Variants in ATG2B observed in about 807,000 individuals in gnomAD.
ATG2B encodes the protein autophagy-related protein 2 homolog B.
A neutral mutation model predicts 241.3 loss-of-function variants in ATG2B; 121 were observed. The observed-to-expected ratio is 0.50, with a 90% CI of 0.43 to 0.58. The LOEUF (loss-of-function observed/expected upper bound fraction) is 0.58, where lower values mean the gene tolerates loss of function less well. Among genes scored for constraint, ATG2B ranks in the 20% least tolerant of loss-of-function variants. The pLI is 0.00. For synonymous variants in ATG2B, 858 were observed against 876.6 expected (o/e 0.98, Z 0.37); for missense variants, 2,306 against 2,491.6 (o/e 0.93, Z 1.59).
intron 25 of ATG2B, 116 bp from the exon 26 acceptor site, chr14:96,312,275 T>C: frequency 1.4e-6 from 1 of 719,714 alleles, no homozygotes; most frequent in Non-Finnish European, 2.3e-6. Flanking sequence ...GTTGAAATCA[T>C]AAGCAGTTTC....
rs1356790517 is a variant in ATG2B at position 96,317,811 on chromosome 14, G to A, written c.2924C>T (p.Pro975Leu). The change falls in exon 19 of 42, where the codon CCA (proline) becomes CTA (leucine). Residue 975 changes from proline (P) to leucine (L), a missense_variant. Pro to Leu is a moderately conservative substitution (Grantham distance 98). Transcript: ENST00000359933. ...LLLWEPTAPS[P>L]VETFENISYG... ...GGAAATATTCTCGAATGTCTCCACT[G>A]GTGAAGGAGCTGTTGGTTCCCACAG... 1.2e-6 allele frequency: 2 copies of A among 1,612,342 alleles called. No homozygotes were observed. The highest frequency in any genetic ancestry group is 2.2e-5 in the East Asian group (1 of 44,814).
intron 4 of ATG2B, among the ~76,000 whole-genome samples, chr14:96,344,361 C>T (rs1888118492): frequency 6.6e-6 from 1 of 152,106 alleles, no homozygotes; most frequent in Admixed American, 6.6e-5. Context: ...ACAGGAAAGC[C>T]TTAAATTCAG....
chr14:96,322,525 T>G lies in ATG2B; in HGVS notation c.2736+15A>C. On this transcript the variant is annotated intron_variant, in intron 17 of 41. Transcript: ENST00000359933. ...ATAATAGTATTATTCCTTTGTAGCT[T>G]GCTCACACTTTTACCTGTTCATTTT... The G allele has an allele frequency of 1.3e-6, 2 of 1,599,764 alleles. No homozygotes were observed. Among genetic ancestry groups the G allele is most frequent in the Non-Finnish European group, 1.7e-6 (2 of 1,174,908 alleles).
At position 96,344,619 on chromosome 14, in the gene ATG2B, T is replaced by C. The variant is rs769210830; in HGVS notation, c.581+35A>G. ...TGAAAATGTAATATCAGAGTTACAATAGGGTCATTTATTTTCAGACATAAG... is the reference window on the plus strand; with the variant it reads ...TGAAAATGTAATATCAGAGTTACAACAGGGTCATTTATTTTCAGACATAAG... On this transcript the variant is annotated intron_variant, in intron 4 of 41. Coordinates refer to ENST00000359933, the MANE Select transcript of ATG2B (RefSeq NM_018036.7). 4.1e-6 allele frequency: 5 copies of C among 1,219,572 alleles called. No homozygotes were observed. In the South Asian group the frequency reaches 5.3e-5, roughly 13 times the overall value. 75.5% of individuals were successfully genotyped at this position (1,219,572 alleles called of 1,614,324 possible). A position where few individuals can be genotyped will look rare whatever the true frequency, so the allele number is the denominator to read the frequency against.
intron 36 of ATG2B, among the ~76,000 whole-genome samples, chr14:96,294,589 G>A (rs970502214): frequency 2.6e-5 from 4 of 152,128 alleles, no homozygotes; most frequent in African/African-American, 4.8e-5. Context: ...GGAAAAGACA[G>A]ACAGGCATAG....
At chr14:96,319,546 T>C (rs1486008199) in intron 18 of ATG2B, among the ~76,000 whole-genome samples, 1 of 151,882 alleles carries the variant, frequency 6.6e-6, no homozygotes, top group Non-Finnish European at 1.5e-5. Context: ...ATTTTAAATA[T>C]ATAAAGGCAG....
intron 10 of ATG2B, 119 bp from the exon 11 acceptor site, chr14:96,331,756 G>T: frequency 1.3e-6 from 1 of 794,708 alleles, no homozygotes. Flanking sequence ...CAGTTTGAAT[G>T]ATATTAAACA....
In ATG2B at chr14:96,281,819, A is replaced by T. The variant is rs957049423; in HGVS notation, c.*3936T>A. The T allele has an allele frequency of 1.3e-5, 2 of 152,236 alleles. No homozygotes were observed. Among genetic ancestry groups the T allele is most frequent in the African/African-American group, 4.8e-5 (2 of 41,456 alleles). The allele number at this position is 152,236 out of a possible 1,614,324, so 9.4% of individuals were successfully genotyped here. On this transcript the variant is annotated 3_prime_UTR_variant, in exon 42 of 42. Transcript: ENST00000359933. ...GGGCCAACAATTGTTGTAGGAAAGC[A>T]AAATATACCTCTAACACCTACGTTT... is the stretch of plus-strand genomic sequence containing the variant.
In ATG2B at chr14:96,317,233, A is replaced by G; in HGVS notation, c.3122T>C (p.Leu1041Ser). 6.2e-7 allele frequency: 1 copy of G among 1,613,646 alleles called. No individual in the cohort carries two copies. Among genetic ancestry groups the G allele is most frequent in the Non-Finnish European group, 8.5e-7 (1 of 1,179,628 alleles). The change falls in exon 20 of 42, where the codon TTA becomes TCA. Residue 1041 changes from leucine (L) to serine (S), a missense_variant. Around this residue, in one of 2 missense-constraint regions of ATG2B, gnomAD observed 1,927 missense variants for 2,011.2 expected, o/e 0.96. Transcript: ENST00000359933. ...CTGAGAGTTCTTGTTCTGAGAGTCT[A>G]ATTTTTTTTTCCTGCGAGAACGATA... ...PNYRSRRKKKLDSQNKNSQSF... is the reference protein window; with the variant it reads ...PNYRSRRKKKSDSQNKNSQSF...
In ATG2B at chr14:96,328,398, T is replaced by C. The variant is rs776399130; in HGVS notation, c.2112A>G (p.Val704=). 1 of 1,613,754 alleles carries C rather than the reference T, an allele frequency of 6.2e-7. No individual in the cohort carries two copies. Among genetic ancestry groups the C allele is most frequent in the Non-Finnish European group, 8.5e-7 (1 of 1,179,824 alleles). ...TATACATGTGGGATGCCATCATCTC[T>C]ACTGTGGCAAGTTTCTGTGGTTGAA... ...SLLQPQKLAT[V]EMMASHMYTS... The change falls in exon 14 of 42, where the codon GTA becomes GTG. Residue 704 remains valine (V), a synonymous_variant. Transcript: ENST00000359933.
At chr14:96,347,447 T>C in intron 1 of ATG2B, 106 bp from the exon 2 acceptor site, 1 of 810,988 alleles carries the variant, frequency 1.2e-6, no homozygotes, top group East Asian at 2.7e-5. Context: ...GCACTAGGTA[T>C]AAAGAAAGCA....
At chr14:96,304,396 G>T in intron 32 of ATG2B, 99 bp downstream of exon 32, 1 of 800,796 alleles carries the variant, frequency 1.2e-6, no homozygotes. Flanking sequence ...AATCCAAAGG[G>T]TTGGGACTTA....
chr14:96,334,269 A>T, intron 7 of ATG2B, 136 bp downstream of exon 7: 1 of 625,560 alleles, frequency 1.6e-6, no homozygotes, highest in Non-Finnish European at 2.8e-6. Flanking sequence ...TTTACTACTT[A>T]ACATTCTTAT....
rs200802442 is a variant in ATG2B at position 96,344,782 on chromosome 14, G to A, written c.479-26C>T. On this transcript the variant is annotated intron_variant, in intron 3 of 41. Transcript: ENST00000359933. ...CTAAAGTAAACAAGTAATTGTCAAC[G>A]TAAGAGACCACATATATGCTAAATA... 9.6e-4 allele frequency: 1,058 copies of A among 1,105,146 alleles called. 12 individuals carry two copies. In the African/African-American group the frequency reaches 0.014, roughly 14 times the overall value. 68.5% of individuals were successfully genotyped at this position (1,105,146 alleles called of 1,614,324 possible). A position where few individuals can be genotyped will look rare whatever the true frequency, so the allele number is the denominator to read the frequency against.
At chr14:96,326,645 C>T (rs1437178119) in intron 14 of ATG2B, among the ~76,000 whole-genome samples, 3 of 152,140 alleles carry the variant, frequency 2.0e-5, no homozygotes, top group East Asian at 1.9e-4. Flanking sequence ...TTCCACTCTA[C>T]GTTGTAACAC....
chr14:96,316,693 A>G lies in ATG2B; in HGVS notation c.3211-10T>C, dbSNP rs773542894. 1.3e-6 allele frequency: 2 copies of G among 1,599,422 alleles called. No individual in the cohort carries two copies. Among genetic ancestry groups the G allele is most frequent in the South Asian group, 2.3e-5 (2 of 88,152 alleles). ...GATCTCCATTATCTTGCTAGTAAAAAGATCAGAAAAACACAGAAGTTATTA... is the reference window on the plus strand; with the variant it reads ...GATCTCCATTATCTTGCTAGTAAAAGGATCAGAAAAACACAGAAGTTATTA... On this transcript the variant is annotated splice_polypyrimidine_tract_variant and intron_variant, in intron 20 of 41. Transcript: ENST00000359933.
In ATG2B at chr14:96,281,065, GAACTGTTAA is replaced by G. The variant is rs1173542518; in HGVS notation, c.*4681_*4689del. On this transcript the variant is annotated 3_prime_UTR_variant, in exon 42 of 42. Transcript: ENST00000359933. ...ACTAAAATCCAAAGCAGGGAGGGAA[GAACTGTTAA>G]AACTCCATACAGCTCAGCAATCAGT... is the stretch of plus-strand genomic sequence containing the variant. 6.6e-6 allele frequency: 1 copy of G among 152,128 alleles called. No homozygotes were observed. The highest frequency in any genetic ancestry group is 2.4e-5 in the African/African-American group (1 of 41,420). The allele number at this position is 152,128 out of a possible 1,614,324, so 9.4% of individuals were successfully genotyped here.
chr14:96,316,534 TTTATGGTACA>T lies in ATG2B; in HGVS notation c.3350_3359del (p.Leu1117GlnfsTer3). 1 of 1,611,420 alleles carries T rather than the reference TTTATGGTACA, an allele frequency of 6.2e-7. No homozygotes were observed. Among genetic ancestry groups the T allele is most frequent in the Non-Finnish European group, 8.5e-7 (1 of 1,179,356 alleles). ...AACCAAGACACGTGTTTGTCCTACC[TTTATGGTACA>T]GACTGAAACTGCTAGAATGAAGGCA... is the stretch of plus-strand genomic sequence containing the variant. On this transcript the variant is annotated frameshift_variant and splice_region_variant, in exon 21 of 42. Coordinates refer to ENST00000359933, the MANE Select transcript of ATG2B (RefSeq NM_018036.7). LOFTEE classifies it high-confidence loss of function.
intron 30 of ATG2B, among the ~76,000 whole-genome samples, chr14:96,306,464 C>T (rs1404696787): frequency 6.6e-6 from 1 of 152,002 alleles, no homozygotes; most frequent in Non-Finnish European, 1.5e-5. Flanking sequence ...AGTCATCTTA[C>T]TATATAAAAA....
Sources: allele counts gnomAD v4.1 joint callset (sites outside exome capture counted in the v4.1 genomes callset), GRCh38; gene constraint gnomAD v4.1.1; regional missense constraint gnomAD v4.1.1; transcripts MANE v1.5; gene names NCBI Gene and HGNC (gene_info 2026-07-23, HGNC 2026-07-21).